Variants in HECW2 observed in about 807,000 individuals in gnomAD.
HECW2 encodes the protein HECT, C2 and WW domain containing E3 ubiquitin protein ligase 2.
Under a neutral mutation model 175.2 loss-of-function variants are expected in HECW2, and 61 were observed. The ratio of observed to expected loss-of-function variants is 0.35; its 90% CI spans 0.28 to 0.43. The LOEUF is 0.43. Among genes scored for constraint, HECW2 ranks in the 20% least tolerant of loss-of-function variants. HECW2 has a pLI of 1.00. For synonymous variants in HECW2, 671 were observed against 731.0 expected, an observed-to-expected ratio of 0.92 and a Z score of 1.32; for missense variants, 1,524 against 2,000.5, an observed-to-expected ratio of 0.76 and a Z score of 4.54.
chr2:196,490,457 AGT>A (rs1364613658), intron 1 of HECW2, among the ~76,000 whole-genome samples: 1 of 152,226 alleles, frequency 6.6e-6, no homozygotes, highest in East Asian at 1.9e-4. Context: ...GACTCTAAAA[AGT>A]TATTCCAACA....
chr2:196,362,291 G>C (rs1281152949), intron 2 of HECW2: 1 of 484,332 alleles, frequency 2.1e-6, no homozygotes, highest in African/African-American at 2.2e-5. Flanking sequence ...CTTTTCCATG[G>C]GAGAATTCCA....
chr2:196,355,879 G>A (rs1693347286), intron 2 of HECW2, among the ~76,000 whole-genome samples: 1 of 152,146 alleles, frequency 6.6e-6, no homozygotes, highest in African/African-American at 2.4e-5. Context: ...AGAGAGGTTG[G>A]TAGGAGAGTA....
At chr2:196,335,165 A>C (rs1439896775) in intron 3 of HECW2, among the ~76,000 whole-genome samples, 1 of 152,260 alleles carries the variant, frequency 6.6e-6, no homozygotes, top group Non-Finnish European at 1.5e-5. Context: ...TCAAATCTAC[A>C]AACAACTGAT....
At chr2:196,418,822 A>G (rs956880302) in intron 2 of HECW2, among the ~76,000 whole-genome samples, 1 of 152,228 alleles carries the variant, frequency 6.6e-6, no homozygotes, top group African/African-American at 2.4e-5. Context: ...ATTAACTATG[A>G]TCCTGAATAT....
At chr2:196,344,879 CTG>C (rs1692896237) in intron 2 of HECW2, among the ~76,000 whole-genome samples, 1 of 152,092 alleles carries the variant, frequency 6.6e-6, no homozygotes, top group African/African-American at 2.4e-5. Context: ...AGGAATAGTC[CTG>C]AGGAGAAAAA....
chr2:196,244,561 C>A (rs1024738006), intron 19 of HECW2, among the ~76,000 whole-genome samples: 31 of 152,226 alleles, frequency 2.0e-4, no homozygotes, highest in South Asian at 2.1e-4. Context: ...GCCTGCCCCC[C>A]AAGCCCCGCA....
chr2:196,350,775 G>GA (rs34495121), intron 2 of HECW2, among the ~76,000 whole-genome samples: 1 of 152,326 alleles, frequency 6.6e-6, no homozygotes, highest in East Asian at 1.9e-4. Context: ...AATGCAATGC[G>GA]AAAATTACTA....
At chr2:196,402,139 T>G (rs1694836612) in intron 2 of HECW2, among the ~76,000 whole-genome samples, 1 of 130,464 alleles carries the variant, frequency 7.7e-6, no homozygotes, top group Non-Finnish European at 1.5e-5. Flanking sequence ...AGGCGGAGCT[T>G]GCAGTGAGCC....
chr2:196,325,589 C>T (rs750547318), intron 5 of HECW2, among the ~76,000 whole-genome samples: 24 of 152,138 alleles, frequency 1.6e-4, no homozygotes, highest in Non-Finnish European at 2.4e-4. Context: ...GAGGGAAATA[C>T]TGAGTAAGCA....
chr2:196,304,189 C>A (rs75851227), intron 13 of HECW2, among the ~76,000 whole-genome samples: 4,071 of 152,250 alleles, frequency 0.027, 82 homozygotes, highest in South Asian at 0.092. Context: ...CCACAGAAAA[C>A]TCATTCCTAC....
chr2:196,525,653 G>A (rs1219710431), intron 1 of HECW2, among the ~76,000 whole-genome samples: 12 of 149,830 alleles, frequency 8.0e-5, no homozygotes, highest in Admixed American at 6.0e-4. Flanking sequence ...TCCTTCAGGA[G>A]CTCTTTTAGG....
At chr2:196,285,395 G>A (rs918402871) in intron 14 of HECW2, among the ~76,000 whole-genome samples, 5 of 152,112 alleles carry the variant, frequency 3.3e-5, no homozygotes, top group African/African-American at 9.7e-5. Context: ...CAGAACATCC[G>A]ATCTTCCATT....
chr2:196,400,438 A>G (rs1385941872), intron 2 of HECW2, among the ~76,000 whole-genome samples: 1 of 152,202 alleles, frequency 6.6e-6, no homozygotes, highest in African/African-American at 2.4e-5. Context: ...AAGCTTAGGT[A>G]TTGTATTAAA....
intron 1 of HECW2, among the ~76,000 whole-genome samples, chr2:196,548,092 G>C (rs1419883674): frequency 6.6e-6 from 1 of 152,138 alleles, no homozygotes; most frequent in African/African-American, 2.4e-5. Context: ...CACTTTGGGA[G>C]GCTAAGATGG....
chr2:196,477,079 G>A (rs1461855197), intron 1 of HECW2, among the ~76,000 whole-genome samples: 2 of 150,544 alleles, frequency 1.3e-5, no homozygotes, highest in African/African-American at 4.9e-5. Flanking sequence ...GGAGTTTGAG[G>A]TTAACAGGAG....
chr2:196,550,739 T>C (rs1161834352), intron 1 of HECW2, among the ~76,000 whole-genome samples: 2 of 152,192 alleles, frequency 1.3e-5, no homozygotes, highest in Non-Finnish European at 2.9e-5. Context: ...CCTTACAGTG[T>C]CATTTTAAAT....
intron 1 of HECW2, among the ~76,000 whole-genome samples, chr2:196,512,708 G>C (rs1687997029): frequency 6.9e-6 from 1 of 145,750 alleles, no homozygotes; most frequent in South Asian, 2.2e-4. Flanking sequence ...TTTTTTTTTC[G>C]AGTTGGAGTC....
chr2:196,424,204 A>T (rs1053999996), intron 2 of HECW2, among the ~76,000 whole-genome samples: 1 of 152,064 alleles, frequency 6.6e-6, no homozygotes, highest in African/African-American at 2.4e-5. Flanking sequence ...TGTGCCCAAG[A>T]CTATAAACTT....
intron 5 of HECW2, 48 bp from the exon 6 acceptor site, chr2:196,325,197 G>A (rs1166504544): frequency 7.1e-7 from 1 of 1,407,144 alleles, no homozygotes; most frequent in Non-Finnish European, 9.6e-7. Context: ...GAAAGCAGGA[G>A]GGAGGGAGGA....
Sources: gnomAD v4.1 joint callset for allele counts (sites outside exome capture counted in the v4.1 genomes callset) on GRCh38, gnomAD v4.1.1 for gene constraint, MANE v1.5 for transcripts, NCBI Gene and HGNC (gene_info 2026-07-23, HGNC 2026-07-21) for gene names.